Variants in IL1RAPL1 observed in about 807,000 individuals in gnomAD.
IL1RAPL1 encodes the protein interleukin-1 receptor accessory protein-like 1.
Under a neutral mutation model 48.4 loss-of-function variants are expected in IL1RAPL1, and 3 were observed. The ratio of observed to expected loss-of-function variants is 0.06; its 90% CI spans 0.03 to 0.16. IL1RAPL1 has a LOEUF of 0.16. Ranked by LOEUF, IL1RAPL1 falls within the 10% of genes least tolerant of loss-of-function variation. The probability of loss-of-function intolerance (pLI) is 1.00; values close to 1 mark genes in which losing one functional copy is unlikely to be tolerated. For synonymous variants in IL1RAPL1, 185 were observed against 187.7 expected, an observed-to-expected ratio of 0.99 and a Z score of 0.12; for missense variants, 349 against 530.6, an observed-to-expected ratio of 0.66 and a Z score of 3.36.
intron 1 of IL1RAPL1, among the ~76,000 whole-genome samples, chrX:28,720,007 T>C (rs1935550826): frequency 9.0e-6 from 1 of 111,330 alleles, no homozygotes; most frequent in Non-Finnish European, 1.9e-5. Flanking sequence ...GAAAATATGA[T>C]GTAAAAGAAA....
rs151246858 is a variant in IL1RAPL1, at chrX:28,889,387, G to T, written c.82+99962G>T. On this transcript the variant is annotated intron_variant, in intron 2 of 10. Coordinates refer to ENST00000378993, the MANE Select transcript of IL1RAPL1 (RefSeq NM_014271.4). Reference sequence around the variant, plus strand: ...GTATGATTTGGTGAGAGGGAGAAGAGAATTTATAATAATGATAAAAGCTAT... The same window carrying T: ...GTATGATTTGGTGAGAGGGAGAAGATAATTTATAATAATGATAAAAGCTAT... Among the ~76,000 whole-genome samples the T allele has an allele frequency of 8.6e-4, 95 of 110,993 alleles. 2 individuals are homozygous for T. The East Asian group carries it at 0.025, about 29-fold the overall frequency.
chrX:29,464,464 A>T (rs1323503890), intron 5 of IL1RAPL1, among the ~76,000 whole-genome samples: 1 of 112,262 alleles, frequency 8.9e-6, no homozygotes, highest in Non-Finnish European at 1.9e-5. Context: ...GCTTCTCAGG[A>T]TTGGTATATA....
At chrX:29,476,891 T>TTTTTTTTTTTTTTTTTTA (rs1934981702) in intron 5 of IL1RAPL1, among the ~76,000 whole-genome samples, 1 of 79,506 alleles carries the variant, frequency 1.3e-5, no homozygotes, top group South Asian at 6.8e-4. Context: ...TTTTTTTTTT[T>TTTTTTTTTTTTTTTTTTA]GAGACGGAGT....
At chrX:29,109,019 A>G (rs989614188) in intron 2 of IL1RAPL1, among the ~76,000 whole-genome samples, 1 of 111,344 alleles carries the variant, frequency 9.0e-6, no homozygotes, top group East Asian at 2.8e-4. Flanking sequence ...ATCAGCAGGG[A>G]AAAAAATATA....
intron 1 of IL1RAPL1, among the ~76,000 whole-genome samples, chrX:28,722,907 G>A (rs192295507): frequency 1.3e-3 from 149 of 111,407 alleles, no homozygotes; most frequent in South Asian, 4.9e-3. Flanking sequence ...ATTGATTTGC[G>A]TATGTTGAAC....
At chrX:29,513,823 C>A (rs1023078113) in intron 5 of IL1RAPL1, among the ~76,000 whole-genome samples, 20 of 111,854 alleles carry the variant, frequency 1.8e-4, no homozygotes, top group Non-Finnish European at 3.4e-4. Flanking sequence ...GATCCAATAT[C>A]TGTTCATATC....
Position 28,973,439 on chromosome X carries a change from T to G in IL1RAPL1, c.82+184014T>G, listed in dbSNP as rs1293464566. ...TGGAATAGTTGAGAATTGGTTATTC[T>G]TAAGATTTATTTCCTGCCCAAACAC... On this transcript the variant is annotated intron_variant, in intron 2 of 10. Transcript: ENST00000378993. 4.5e-5 allele frequency among the ~76,000 whole-genome samples: 5 copies of G among 112,249 alleles called. No homozygotes were observed. In the East Asian group the frequency reaches 1.4e-3, roughly 31 times the overall value.
intron 5 of IL1RAPL1, among the ~76,000 whole-genome samples, chrX:29,626,636 C>A (rs1247671836): frequency 9.5e-6 from 1 of 105,679 alleles, no homozygotes; most frequent in Non-Finnish European, 1.9e-5. Context: ...AAATATTATT[C>A]TAAAAAGAGA....
At chrX:29,879,688 CTT>C (rs1931987187) in intron 6 of IL1RAPL1, among the ~76,000 whole-genome samples, 1 of 109,723 alleles carries the variant, frequency 9.1e-6, no homozygotes, top group Non-Finnish European at 1.9e-5. Context: ...ATCGTGAAGT[CTT>C]TTGTTTAGAA....
At chrX:29,416,412 T>A (rs1295320568) in intron 5 of IL1RAPL1, among the ~76,000 whole-genome samples, 1 of 110,964 alleles carries the variant, frequency 9.0e-6, no homozygotes, top group Non-Finnish European at 1.9e-5. Flanking sequence ...GGCACACACC[T>A]GTAGTCCCAG....
intron 2 of IL1RAPL1, among the ~76,000 whole-genome samples, chrX:28,958,749 G>T (rs1390380179): frequency 8.9e-6 from 1 of 111,772 alleles, no homozygotes; most frequent in Admixed American, 9.5e-5. Flanking sequence ...AACAGGAGCA[G>T]ATGGGGCTGA....
intron 5 of IL1RAPL1, among the ~76,000 whole-genome samples, chrX:29,606,592 A>G (rs1268074742): frequency 8.9e-6 from 1 of 112,114 alleles, no homozygotes; most frequent in Non-Finnish European, 1.9e-5. Flanking sequence ...ATGAATAAAC[A>G]TTTAACTCTA....
chrX:29,178,633 C>T (rs1419304472), intron 2 of IL1RAPL1, among the ~76,000 whole-genome samples: 1 of 111,857 alleles, frequency 8.9e-6, no homozygotes, highest in Non-Finnish European at 1.9e-5. Context: ...CCTTTTGTTG[C>T]CATTGCTTTT....
At chrX:29,637,641 T>C (rs971071670) in intron 5 of IL1RAPL1, among the ~76,000 whole-genome samples, 13 of 111,645 alleles carry the variant, frequency 1.2e-4, no homozygotes, top group Non-Finnish European at 3.8e-5. Flanking sequence ...CATCTCTGTG[T>C]GTCCTCTGTA....
chrX:29,634,099 T>C, intron 5 of IL1RAPL1, among the ~76,000 whole-genome samples: 1 of 111,985 alleles, frequency 8.9e-6, no homozygotes. Flanking sequence ...GTTCAAGATT[T>C]TGAAAGATCG....
intron 5 of IL1RAPL1, among the ~76,000 whole-genome samples, chrX:29,572,399 T>C (rs1219605179): frequency 8.9e-6 from 1 of 112,519 alleles, no homozygotes; most frequent in Non-Finnish European, 1.9e-5. Flanking sequence ...CATTTAAATA[T>C]ATAAATAACT....
At chrX:29,368,738 G>A (rs867678397) in intron 3 of IL1RAPL1, among the ~76,000 whole-genome samples, 3 of 97,289 alleles carry the variant, frequency 3.1e-5, no homozygotes, top group African/African-American at 1.4e-4. Flanking sequence ...CTCTGTGTAT[G>A]TGTGTGTGTG....
intron 1 of IL1RAPL1, among the ~76,000 whole-genome samples, chrX:28,675,710 G>A (rs1934989657): frequency 8.9e-6 from 1 of 111,848 alleles, no homozygotes; most frequent in Admixed American, 9.6e-5. Context: ...GGGGTGGGAT[G>A]AGGAAGGCAG....
At chrX:29,539,278 A>G (rs1277669578) in intron 5 of IL1RAPL1, among the ~76,000 whole-genome samples, 1 of 111,864 alleles carries the variant, frequency 8.9e-6, no homozygotes, top group African/African-American at 3.3e-5. Flanking sequence ...AATAAATGTG[A>G]CTCACTCATA....
Sources: allele counts gnomAD v4.1 joint callset (sites outside exome capture counted in the v4.1 genomes callset), GRCh38; gene constraint gnomAD v4.1.1; transcripts MANE v1.5; gene names NCBI Gene and HGNC (gene_info 2026-07-23, HGNC 2026-07-21).